BMAL2: variants seen among roughly 807,000 people sequenced by gnomAD.
BMAL2 encodes the protein basic helix-loop-helix ARNT like 2.
At chr12:27,385,239 A>G in the BMAL2 span, among the ~76,000 whole-genome samples, 1 of 152,184 alleles carries the variant, frequency 6.6e-6, no homozygotes, top group South Asian at 2.1e-4. Flanking sequence ...ACTTGAACTC[A>G]GGAGGTGGAG....
At chr12:27,406,218 A>G in the BMAL2 span, among the ~76,000 whole-genome samples, 8 of 151,998 alleles carry the variant, frequency 5.3e-5, 1 homozygote, top group Non-Finnish European at 1.2e-4. Flanking sequence ...GCAGGCCAAC[A>G]TTCAGATTCA....
the BMAL2 span, among the ~76,000 whole-genome samples, chr12:27,367,729 T>C: frequency 1.3e-5 from 2 of 152,250 alleles, no homozygotes; most frequent in East Asian, 1.9e-4. Context: ...TTCTGTGTTA[T>C]GTTGGTTTTG....
At chr12:27,385,981 T>C in the BMAL2 span, among the ~76,000 whole-genome samples, 1 of 152,152 alleles carries the variant, frequency 6.6e-6, no homozygotes, top group Non-Finnish European at 1.5e-5. Flanking sequence ...TTCCTGTGCA[T>C]GGCTTTTCAG....
At chr12:27,333,275 T>A in the BMAL2 span, 2 of 633,566 alleles carry the variant, frequency 3.2e-6, no homozygotes, top group Non-Finnish European at 4.3e-6. Context: ...GGCCGCCCCG[T>A]GGGGCACAGG....
the BMAL2 span, chr12:27,401,329 T>A: frequency 1.2e-6 from 2 of 1,614,130 alleles, no homozygotes; most frequent in Non-Finnish European, 1.7e-6. Flanking sequence ...TTCATCAAGA[T>A]GACCACAATA....
chr12:27,355,299 C>T, the BMAL2 span, among the ~76,000 whole-genome samples: 1 of 152,110 alleles, frequency 6.6e-6, no homozygotes, highest in Non-Finnish European at 1.5e-5. Flanking sequence ...ACACTCTGTC[C>T]TCAATTCGCT....
chr12:27,419,939 T>A, the BMAL2 span, among the ~76,000 whole-genome samples: 26 of 152,092 alleles, frequency 1.7e-4, no homozygotes, highest in Non-Finnish European at 2.6e-4. Flanking sequence ...TGCTTCTGTC[T>A]CAGGCTTCTC....
At chr12:27,418,910 T>G in the BMAL2 span, among the ~76,000 whole-genome samples, 2 of 149,746 alleles carry the variant, frequency 1.3e-5, no homozygotes, top group East Asian at 3.9e-4. Flanking sequence ...ACCTGGGAAG[T>G]GGAGGTTGCA....
the BMAL2 span, among the ~76,000 whole-genome samples, chr12:27,398,968 T>C: frequency 6.6e-6 from 1 of 152,006 alleles, no homozygotes; most frequent in African/African-American, 2.4e-5. Context: ...TAGGGGGAGG[T>C]AGAGCCTAGG....
At chr12:27,390,052 A>G in the BMAL2 span, 1 of 1,595,886 alleles carries the variant, frequency 6.3e-7, no homozygotes, top group East Asian at 2.2e-5. Flanking sequence ...ATTATTTGAC[A>G]ATATTCTTTT....
the BMAL2 span, chr12:27,400,453 A>G: frequency 8.6e-7 from 1 of 1,166,628 alleles, no homozygotes. Flanking sequence ...CACAATTATA[A>G]CTATTATAGA....
At chr12:27,401,469 C>A in the BMAL2 span, 1 of 1,539,488 alleles carries the variant, frequency 6.5e-7, no homozygotes, top group Non-Finnish European at 8.9e-7. Flanking sequence ...ATCTTCACAA[C>A]ATTGATTTTT....
At chr12:27,403,241 A>G in the BMAL2 span, among the ~76,000 whole-genome samples, 4 of 152,346 alleles carry the variant, frequency 2.6e-5, no homozygotes, top group African/African-American at 7.2e-5. Flanking sequence ...ACTAGTCACA[A>G]TTGTGCCCTC....
the BMAL2 span, chr12:27,377,504 A>G: frequency 7.2e-5 from 11 of 152,292 alleles, no homozygotes; most frequent in South Asian, 4.1e-4. Flanking sequence ...GTCTCTATCC[A>G]TCGCTGCTGT....
chr12:27,359,403 G>A, the BMAL2 span, among the ~76,000 whole-genome samples: 2 of 152,314 alleles, frequency 1.3e-5, no homozygotes, highest in African/African-American at 2.4e-5. Context: ...GGTACTTACT[G>A]TGGGGCTGGG....
the BMAL2 span, chr12:27,420,489 TG>T: frequency 6.2e-7 from 1 of 1,612,864 alleles, no homozygotes; most frequent in Non-Finnish European, 8.5e-7. Flanking sequence ...GAGGGGGGCC[TG>T]GGAGACCCTG....
the BMAL2 span, among the ~76,000 whole-genome samples, chr12:27,338,127 A>T: frequency 1.8e-4 from 27 of 152,324 alleles, no homozygotes; most frequent in Middle Eastern, 0.041. Flanking sequence ...CAGATTTTGA[A>T]TGAAGAATAG....
chr12:27,341,467 AT>A, the BMAL2 span, among the ~76,000 whole-genome samples: 2 of 152,216 alleles, frequency 1.3e-5, no homozygotes, highest in East Asian at 3.8e-4. Flanking sequence ...GATAAAGCCT[AT>A]TTGATCATGG....
At chr12:27,366,633 A>G in the BMAL2 span, among the ~76,000 whole-genome samples, 2 of 151,920 alleles carry the variant, frequency 1.3e-5, no homozygotes, top group African/African-American at 4.8e-5. Flanking sequence ...GACAAAAAGG[A>G]TTTTTTAAAA....
Sources: allele counts gnomAD v4.1 joint callset (sites outside exome capture counted in the v4.1 genomes callset), GRCh38; gene constraint gnomAD v4.1.1; transcripts MANE v1.5; gene names NCBI Gene and HGNC (gene_info 2026-07-23, HGNC 2026-07-21).